PXDNL: variants seen among roughly 807,000 people sequenced by gnomAD.
PXDNL encodes the protein probable oxidoreductase PXDNL.
A neutral mutation model predicts 150.8 loss-of-function variants in PXDNL; 145 were observed. That is an observed-to-expected ratio of 0.96 (90% CI 0.84 to 1.10). PXDNL has a LOEUF of 1.10. Among genes scored for constraint, PXDNL ranks in the 50% least tolerant of loss-of-function variants. The pLI is 0.00. For missense variants in PXDNL, 2,087 were observed against 1,873.9 expected (o/e 1.11, Z -2.10); for synonymous variants, 757 against 725.7 (o/e 1.04, Z -0.69).
At chr8:51,476,926 T>C (rs987245247) in intron 6 of PXDNL, among the ~76,000 whole-genome samples, 1 of 152,284 alleles carries the variant, frequency 6.6e-6, no homozygotes, top group East Asian at 1.9e-4. Flanking sequence ...CAAAAAGTCC[T>C]TACAAACATG....
intron 19 of PXDNL, among the ~76,000 whole-genome samples, chr8:51,355,142 A>G (rs1806466781): frequency 6.6e-6 from 1 of 152,168 alleles, no homozygotes; most frequent in African/African-American, 2.4e-5. Flanking sequence ...GCTTTATAGG[A>G]GTTGCAGAAA....
intron 3 of PXDNL, among the ~76,000 whole-genome samples, chr8:51,575,608 A>G (rs1361899122): frequency 6.6e-6 from 1 of 151,888 alleles, no homozygotes; most frequent in Non-Finnish European, 1.5e-5. Context: ...CCAGCTACTC[A>G]GGAGGCTAAG....
chr8:51,383,318 G>A (rs1009227581), intron 17 of PXDNL, among the ~76,000 whole-genome samples: 4 of 151,894 alleles, frequency 2.6e-5, no homozygotes, highest in Non-Finnish European at 2.9e-5. Context: ...GTCAACTTTC[G>A]CCCCCAAACC....
At chr8:51,335,367 G>A (rs79708093) in intron 21 of PXDNL, among the ~76,000 whole-genome samples, 17 of 152,050 alleles carry the variant, frequency 1.1e-4, no homozygotes, top group African/African-American at 3.6e-4. Flanking sequence ...GGAAGGAGAC[G>A]CCGATACTAT....
At chr8:51,548,609 A>T (rs1183380155) in intron 4 of PXDNL, among the ~76,000 whole-genome samples, 1 of 152,192 alleles carries the variant, frequency 6.6e-6, no homozygotes, top group South Asian at 2.1e-4. Context: ...TGAAGGAGAG[A>T]TAAAGTATAA....
chr8:51,802,953 T>C (rs1361615055), intron 1 of PXDNL, among the ~76,000 whole-genome samples: 1 of 152,242 alleles, frequency 6.6e-6, no homozygotes, highest in African/African-American at 2.4e-5. Flanking sequence ...CAAAACTTTA[T>C]AAACATTATT....
chr8:51,707,647 T>A (rs1234866688), intron 1 of PXDNL, among the ~76,000 whole-genome samples: 1 of 152,200 alleles, frequency 6.6e-6, no homozygotes, highest in Admixed American at 6.5e-5. Flanking sequence ...ATAATTGAAA[T>A]GTCATACCTA....
At chr8:51,404,742 G>A (rs1808387149) in intron 17 of PXDNL, among the ~76,000 whole-genome samples, 2 of 152,222 alleles carry the variant, frequency 1.3e-5, no homozygotes, top group Non-Finnish European at 2.9e-5. Context: ...ACTAGACTCA[G>A]GAGCCCAGCT....
intron 20 of PXDNL, among the ~76,000 whole-genome samples, chr8:51,342,970 T>A (rs1419056696): frequency 1.3e-5 from 2 of 150,742 alleles, no homozygotes; most frequent in African/African-American, 4.9e-5. Context: ...TAAAGAATGA[T>A]CAGGTTTACA....
At chr8:51,598,069 G>T (rs1813613906) in intron 2 of PXDNL, among the ~76,000 whole-genome samples, 1 of 152,086 alleles carries the variant, frequency 6.6e-6, no homozygotes, top group Non-Finnish European at 1.5e-5. Flanking sequence ...GTATAAAAAT[G>T]CTACTACTAC....
intron 1 of PXDNL, among the ~76,000 whole-genome samples, chr8:51,682,078 A>G (rs1815762034): frequency 6.6e-6 from 1 of 152,230 alleles, no homozygotes; most frequent in Non-Finnish European, 1.5e-5. Flanking sequence ...TTACATTCCA[A>G]TGCTAAAAAA....
intron 1 of PXDNL, among the ~76,000 whole-genome samples, chr8:51,772,696 G>A (rs1163034115): frequency 6.6e-6 from 1 of 152,306 alleles, no homozygotes; most frequent in Admixed American, 6.5e-5. Flanking sequence ...TGTGGAAGGT[G>A]GGAAGGAGGA....
intron 1 of PXDNL, among the ~76,000 whole-genome samples, chr8:51,745,091 G>A (rs2036968798): frequency 6.6e-6 from 1 of 152,148 alleles, no homozygotes; most frequent in African/African-American, 2.4e-5. Flanking sequence ...TTAATTTTAA[G>A]ATGGATGTTT....
chr8:51,586,572 T>C (rs1045945682), intron 3 of PXDNL, among the ~76,000 whole-genome samples: 1 of 152,204 alleles, frequency 6.6e-6, no homozygotes, highest in African/African-American at 2.4e-5. Context: ...GTTGTGTCCT[T>C]CAAGCTTACA....
At chr8:51,440,727 G>C (rs1809524138) in intron 12 of PXDNL, among the ~76,000 whole-genome samples, 1 of 152,208 alleles carries the variant, frequency 6.6e-6, no homozygotes, top group Non-Finnish European at 1.5e-5. Flanking sequence ...TTGGGACACA[G>C]AGAAATACCT....
intron 3 of PXDNL, among the ~76,000 whole-genome samples, chr8:51,574,703 G>C (rs889341256): frequency 2.6e-5 from 4 of 152,024 alleles, no homozygotes; most frequent in Non-Finnish European, 5.9e-5. Flanking sequence ...AGAATCATAG[G>C]TATGACAGCA....
chr8:51,741,203 T>C (rs1373723055), intron 1 of PXDNL, among the ~76,000 whole-genome samples: 1 of 152,208 alleles, frequency 6.6e-6, no homozygotes, highest in Non-Finnish European at 1.5e-5. Flanking sequence ...TCTGGTTTAG[T>C]CTTGGGATGG....
intron 2 of PXDNL, among the ~76,000 whole-genome samples, chr8:51,593,362 T>G (rs1813490182): frequency 6.6e-6 from 1 of 152,194 alleles, no homozygotes; most frequent in Admixed American, 6.5e-5. Flanking sequence ...AATTTTTTTC[T>G]AGTAAAAACA....
chr8:51,607,895 AGGTGGGGAGGGAG>A (rs1563481486), intron 2 of PXDNL, among the ~76,000 whole-genome samples: 18 of 82,842 alleles, frequency 2.2e-4, no homozygotes, highest in African/African-American at 5.7e-4. Flanking sequence ...GAAGGAAGGA[AGGTGGGGAGGGAG>A]GGAGGGAAGG....
Sources: allele counts gnomAD v4.1 joint callset (sites outside exome capture counted in the v4.1 genomes callset), GRCh38; gene constraint gnomAD v4.1.1; transcripts MANE v1.5; gene names NCBI Gene and HGNC (gene_info 2026-07-23, HGNC 2026-07-21).